Variants in CDH18 observed in about 807,000 individuals in gnomAD.
CDH18 encodes cadherin-18.
A neutral mutation model predicts 67.9 loss-of-function variants in CDH18; 31 were observed. That is an observed-to-expected ratio of 0.46 (90% CI 0.34 to 0.62). CDH18 has a LOEUF of 0.62. Among genes scored for constraint, CDH18 ranks in the 20% least tolerant of loss-of-function variants. The pLI is 0.01. For missense variants in CDH18, 890 were observed against 975.5 expected, an observed-to-expected ratio of 0.91 and a Z score of 1.17; for synonymous variants, 362 against 347.2, an observed-to-expected ratio of 1.04 and a Z score of -0.48.
intron 2 of CDH18, among the ~76,000 whole-genome samples, chr5:20,162,393 AAATT>A (rs559910604): frequency 3.4e-5 from 5 of 148,310 alleles, no homozygotes; most frequent in African/African-American, 7.3e-5. Context: ...TATTAGAAAA[AAATT>A]AAGTATATGT....
At chr5:19,744,024 C>A (rs1164931155) in intron 4 of CDH18, among the ~76,000 whole-genome samples, 3 of 151,024 alleles carry the variant, frequency 2.0e-5, no homozygotes, top group Non-Finnish European at 4.4e-5. Context: ...ACTTTCATAT[C>A]ATCCTCTATG....
intron 2 of CDH18, among the ~76,000 whole-genome samples, chr5:20,115,139 C>T (rs1056037663): frequency 6.6e-6 from 1 of 151,898 alleles, no homozygotes; most frequent in Non-Finnish European, 1.5e-5. Context: ...TGGTGAGGAT[C>T]CACTTTCTGG....
chr5:20,443,148 T>G (rs995500064), intron 1 of CDH18, among the ~76,000 whole-genome samples: 2 of 131,616 alleles, frequency 1.5e-5, no homozygotes, highest in African/African-American at 5.8e-5. Context: ...AGGCGGAGCT[T>G]GCAGTGAGCC....
chr5:20,251,014 A>G (rs1223224661), intron 2 of CDH18, among the ~76,000 whole-genome samples: 1 of 152,160 alleles, frequency 6.6e-6, no homozygotes, highest in Admixed American at 6.5e-5. Context: ...TGGAAACTTG[A>G]ACTAACATAA....
intron 1 of CDH18, among the ~76,000 whole-genome samples, chr5:20,557,855 CATTTAATGTTATAGTTAT>C (rs1757987497): frequency 8.8e-6 from 1 of 114,014 alleles, no homozygotes; most frequent in African/African-American, 3.3e-5. Flanking sequence ...TGTTATATAA[CATTTAATGTTATAGTTAT>C]ATAACATTAA....
intron 8 of CDH18, among the ~76,000 whole-genome samples, chr5:19,550,100 G>A (rs757393840): frequency 6.6e-6 from 1 of 152,006 alleles, no homozygotes; most frequent in East Asian, 1.9e-4. Context: ...TAGCATTTTG[G>A]AGACTAGTGC....
intron 3 of CDH18, among the ~76,000 whole-genome samples, chr5:19,800,491 G>A (rs1480993133): frequency 2.0e-5 from 3 of 152,076 alleles, no homozygotes; most frequent in Non-Finnish European, 2.9e-5. Context: ...AACCCAAAGA[G>A]GGGTTTTCTG....
intron 2 of CDH18, among the ~76,000 whole-genome samples, chr5:20,040,493 G>A (rs78926950): frequency 0.012 from 1,773 of 152,210 alleles, 28 homozygotes; most frequent in African/African-American, 0.041. Flanking sequence ...GTAACGTTTT[G>A]AAATATGTCA....
chr5:20,064,084 G>A (rs79758238), intron 2 of CDH18, among the ~76,000 whole-genome samples: 1,751 of 152,148 alleles, frequency 0.012, 40 homozygotes, highest in African/African-American at 0.04. Context: ...ATCTATTAAT[G>A]GAATAATATA....
At chr5:20,406,941 T>C (rs1746321532) in intron 1 of CDH18, among the ~76,000 whole-genome samples, 1 of 152,168 alleles carries the variant, frequency 6.6e-6, no homozygotes, top group Admixed American at 6.6e-5. Context: ...GGTGCAGCAT[T>C]ATATAATAAG....
At chr5:19,705,826 A>T (rs573172849) in intron 5 of CDH18, among the ~76,000 whole-genome samples, 1 of 152,166 alleles carries the variant, frequency 6.6e-6, no homozygotes, top group Non-Finnish European at 1.5e-5. Flanking sequence ...TACTTGGCAA[A>T]CCCATTTAGC....
intron 2 of CDH18, among the ~76,000 whole-genome samples, chr5:20,229,058 G>A (rs1741861590): frequency 6.6e-6 from 1 of 151,850 alleles, no homozygotes; most frequent in Non-Finnish European, 1.5e-5. Flanking sequence ...TGTAATTATG[G>A]GTGTCTTTGC....
chr5:19,496,046 G>A (rs1262943002), intron 11 of CDH18, among the ~76,000 whole-genome samples: 1 of 152,112 alleles, frequency 6.6e-6, no homozygotes, highest in African/African-American at 2.4e-5. Flanking sequence ...AGTTAAATTG[G>A]AAGTTTAACA....
At chr5:19,645,191 A>T (rs1754563419) in intron 5 of CDH18, among the ~76,000 whole-genome samples, 1 of 152,218 alleles carries the variant, frequency 6.6e-6, no homozygotes, top group Non-Finnish European at 1.5e-5. Context: ...AAGACAAAAA[A>T]TGGAGTAGGA....
At chr5:20,170,958 T>G (rs893915274) in intron 2 of CDH18, among the ~76,000 whole-genome samples, 1 of 152,092 alleles carries the variant, frequency 6.6e-6, no homozygotes, top group African/African-American at 2.4e-5. Context: ...TCCTGTGATA[T>G]TTAGTTATCT....
At chr5:20,479,707 C>CG (rs1269230685) in intron 1 of CDH18, among the ~76,000 whole-genome samples, 1 of 151,720 alleles carries the variant, frequency 6.6e-6, no homozygotes, top group African/African-American at 2.4e-5. Context: ...GAGAGAGAGA[C>CG]GGGGGTAGAA....
At chr5:20,053,223 T>C (rs79374985) in intron 2 of CDH18, among the ~76,000 whole-genome samples, 1,733 of 151,518 alleles carry the variant, frequency 0.011, 38 homozygotes, top group African/African-American at 0.04. Context: ...AATGTGTCCA[T>C]ATATATGATA....
At chr5:19,682,952 A>G (rs538750679) in intron 5 of CDH18, among the ~76,000 whole-genome samples, 15 of 152,254 alleles carry the variant, frequency 9.9e-5, no homozygotes, top group South Asian at 4.1e-4. Context: ...TATCTTTTAT[A>G]CATGTATTAT....
intron 5 of CDH18, among the ~76,000 whole-genome samples, chr5:19,673,234 T>C (rs1758994773): frequency 6.6e-6 from 1 of 152,074 alleles, no homozygotes; most frequent in African/African-American, 2.4e-5. Flanking sequence ...TTAAATATCA[T>C]CAGAAACTAA....
Sources: gnomAD v4.1 joint callset for allele counts (sites outside exome capture counted in the v4.1 genomes callset) on GRCh38, gnomAD v4.1.1 for gene constraint, MANE v1.5 for transcripts, NCBI Gene and HGNC (gene_info 2026-07-23, HGNC 2026-07-21) for gene names.